Variants in NDFIP2 observed in about 807,000 individuals in gnomAD.
NDFIP2 encodes Nedd4 family interacting protein 2.
A neutral mutation model predicts 36.0 loss-of-function variants in NDFIP2; 19 were observed. The ratio of observed to expected loss-of-function variants is 0.53; its 90% CI spans 0.37 to 0.77. The LOEUF (loss-of-function observed/expected upper bound fraction) is 0.77. Among genes scored for constraint, NDFIP2 ranks in the 30% least tolerant of loss-of-function variants. The probability of loss-of-function intolerance (pLI) is 0.00; values close to 1 mark genes in which losing one functional copy is unlikely to be tolerated. For synonymous variants in NDFIP2, 181 were observed against 167.7 expected, an observed-to-expected ratio of 1.08 and a Z score of -0.61; for missense variants, 446 against 435.8, an observed-to-expected ratio of 1.02 and a Z score of -0.21.
At chr13:79,494,695 T>C (rs898695750) in intron 1 of NDFIP2, among the ~76,000 whole-genome samples, 2 of 152,006 alleles carry the variant, frequency 1.3e-5, no homozygotes, top group East Asian at 3.8e-4. Flanking sequence ...TCTAAGTCTT[T>C]TGTTGTTTTG....
At chr13:79,528,098 A>G (rs1406866918) in intron 2 of NDFIP2, among the ~76,000 whole-genome samples, 1 of 152,112 alleles carries the variant, frequency 6.6e-6, no homozygotes, top group Non-Finnish European at 1.5e-5. Flanking sequence ...CTCATCAACA[A>G]AAAATACAAA....
At chr13:79,497,229 T>G (rs1040137657) in intron 1 of NDFIP2, among the ~76,000 whole-genome samples, 24 of 152,004 alleles carry the variant, frequency 1.6e-4, no homozygotes, top group African/African-American at 5.8e-4. Context: ...TTGGCTCAGG[T>G]CCTTAGGCCT....
At position 79,552,854 on chromosome 13, in the gene NDFIP2, T is replaced by G. The variant is rs1360866961; in HGVS notation, c.*341T>G. The G allele has an allele frequency of 3.3e-5, 5 of 151,896 alleles. No homozygotes were observed. The Admixed American group carries it at 3.3e-4, about 10-fold the overall frequency. The allele number at this position is 151,896 out of a possible 1,614,324, so 9.4% of individuals were successfully genotyped here. A position where few individuals can be genotyped will look rare whatever the true frequency, so the allele number is the denominator to read the frequency against. ...AAAGAGTTGAGTGGATAAACAGTCTTCCAGCTTGTAAATGCCATTGACTTC... is the reference window on the plus strand; with the variant it reads ...AAAGAGTTGAGTGGATAAACAGTCTGCCAGCTTGTAAATGCCATTGACTTC... On this transcript the variant is annotated 3_prime_UTR_variant, in exon 8 of 8. Transcript: ENST00000218652.
At chr13:79,511,151 A>G (rs1874069986) in intron 1 of NDFIP2, among the ~76,000 whole-genome samples, 1 of 152,206 alleles carries the variant, frequency 6.6e-6, no homozygotes, top group Admixed American at 6.5e-5. Flanking sequence ...AGGCCCTCAG[A>G]GAAGGCCTGG....
intron 1 of NDFIP2, among the ~76,000 whole-genome samples, chr13:79,517,476 T>C (rs1348460349): frequency 1.3e-5 from 2 of 152,236 alleles, no homozygotes; most frequent in Non-Finnish European, 2.9e-5. Flanking sequence ...TGGATTTGTT[T>C]AAAAGGCAGT....
At chr13:79,508,992 T>C (rs758638062) in intron 1 of NDFIP2, among the ~76,000 whole-genome samples, 10 of 152,376 alleles carry the variant, frequency 6.6e-5, no homozygotes, top group Non-Finnish European at 7.3e-5. Flanking sequence ...TGTGTGCTGT[T>C]GTTTTATGTG....
intron 1 of NDFIP2, among the ~76,000 whole-genome samples, chr13:79,488,230 C>T (rs1479162768): frequency 6.6e-6 from 1 of 152,088 alleles, no homozygotes; most frequent in Non-Finnish European, 1.5e-5. Context: ...GTGTTATATA[C>T]CAAGTTGTTG....
chr13:79,531,559 C>A (rs1430203928), intron 2 of NDFIP2, among the ~76,000 whole-genome samples: 1 of 152,228 alleles, frequency 6.6e-6, no homozygotes, highest in African/African-American at 2.4e-5. Context: ...GCTAGATCTT[C>A]TGCATAATTT....
At chr13:79,545,488 T>G (rs560896206) in intron 5 of NDFIP2, among the ~76,000 whole-genome samples, 1 of 152,342 alleles carries the variant, frequency 6.6e-6, no homozygotes, top group African/African-American at 2.4e-5. Context: ...ATACTTTTAC[T>G]GAGTTAGAGT....
At chr13:79,499,126 A>G (rs1430530336) in intron 1 of NDFIP2, among the ~76,000 whole-genome samples, 1 of 151,974 alleles carries the variant, frequency 6.6e-6, no homozygotes, top group Non-Finnish European at 1.5e-5. Context: ...GTAATCCATT[A>G]CATCAGTGGC....
chr13:79,551,752 G>GTCGT lies in NDFIP2; in HGVS notation c.*2+631_*2+634dup, dbSNP rs774371084. Among the ~76,000 whole-genome samples the GTCGT allele has an allele frequency of 5.3e-5, 8 of 151,566 alleles. No homozygotes were observed. The East Asian group carries it at 9.6e-4, about 18-fold the overall frequency. The stretch of plus-strand genomic sequence containing the variant: ...CTGGTTATCCAGTGAATTTCTGGAG[G>GTCGT]TCGTGGGTATAGTAATAGTATTTAT... On this transcript the variant is annotated intron_variant, in intron 7 of 7. Transcript: ENST00000218652.
At chr13:79,482,163 T>G (rs1477658909) in intron 1 of NDFIP2, among the ~76,000 whole-genome samples, 1 of 108,824 alleles carries the variant, frequency 9.2e-6, no homozygotes, top group Non-Finnish European at 1.8e-5. Flanking sequence ...CTTTCTTTCT[T>G]TCTTTCTTTT....
intron 1 of NDFIP2, among the ~76,000 whole-genome samples, chr13:79,501,744 A>G (rs1873676787): frequency 6.6e-6 from 1 of 152,120 alleles, no homozygotes; most frequent in Non-Finnish European, 1.5e-5. Context: ...ATCACTAACA[A>G]CAGTATGTCT....
At position 79,520,676 on chromosome 13, in the gene NDFIP2, T is replaced by C. The variant is rs1874534671; in HGVS notation, c.322-134T>C. 4.1e-6 allele frequency: 3 copies of C among 725,882 alleles called. No homozygotes were observed. In the East Asian group the frequency reaches 8.6e-5, roughly 21 times the overall value. 45.0% of individuals were successfully genotyped at this position (725,882 alleles called of 1,614,324 possible). A position where few individuals can be genotyped will look rare whatever the true frequency, so the allele number is the denominator to read the frequency against. ...ACTTTGAAATACTAGTGTGATTTTG[T>C]ATACTATCTAAAAATGCCATTTTCT... On this transcript the variant is annotated intron_variant, in intron 1 of 7. Transcript: ENST00000218652.
At chr13:79,494,400 A>G (rs1298746044) in intron 1 of NDFIP2, among the ~76,000 whole-genome samples, 1 of 152,064 alleles carries the variant, frequency 6.6e-6, no homozygotes, top group Non-Finnish European at 1.5e-5. Context: ...TATATTTTGT[A>G]TAACTTTAAA....
chr13:79,523,472 G>A (rs777107320), intron 2 of NDFIP2, among the ~76,000 whole-genome samples: 20 of 152,012 alleles, frequency 1.3e-4, no homozygotes, highest in Non-Finnish European at 2.4e-4. Context: ...TGCCCACCTC[G>A]GCCTCCCAAA....
intron 1 of NDFIP2, among the ~76,000 whole-genome samples, chr13:79,491,720 A>G (rs1442240808): frequency 6.6e-6 from 1 of 152,156 alleles, no homozygotes. Flanking sequence ...GTGGAATGGT[A>G]TGGAATCTTC....
intron 5 of NDFIP2, among the ~76,000 whole-genome samples, chr13:79,547,418 G>A (rs952307493): frequency 5.3e-5 from 8 of 151,922 alleles, no homozygotes; most frequent in Non-Finnish European, 1.2e-4. Context: ...AAACAGGGTG[G>A]GTAAACACAA....
At chr13:79,516,234 A>G (rs1566660257) in intron 1 of NDFIP2, among the ~76,000 whole-genome samples, 2 of 151,814 alleles carry the variant, frequency 1.3e-5, no homozygotes, top group Admixed American at 6.6e-5. Context: ...TAGCTCCAAT[A>G]GTAAAAAAGT....
Sources: gnomAD v4.1 joint callset for allele counts (sites outside exome capture counted in the v4.1 genomes callset) on GRCh38, gnomAD v4.1.1 for gene constraint, MANE v1.5 for transcripts, NCBI Gene and HGNC (gene_info 2026-07-23, HGNC 2026-07-21) for gene names.